EIF4G3: variants seen among roughly 807,000 people sequenced by gnomAD.
EIF4G3 encodes eIF-4-gamma 3.
Under a neutral mutation model 186.4 loss-of-function variants are expected in EIF4G3, and 34 were observed. The observed-to-expected ratio is 0.18, with a 90% CI of 0.14 to 0.24. The LOEUF is 0.24. Ranked by LOEUF, EIF4G3 falls within the 10% of genes least tolerant of loss-of-function variation. EIF4G3 has a pLI of 1.00. For synonymous variants in EIF4G3, 673 were observed against 679.5 expected, an observed-to-expected ratio of 0.99 and a Z score of 0.15; for missense variants, 1,536 against 1,948.5, an observed-to-expected ratio of 0.79 and a Z score of 3.99.
chr1:21,007,236 A>G (rs1332658637), intron 4 of EIF4G3, among the ~76,000 whole-genome samples: 1 of 151,998 alleles, frequency 6.6e-6, no homozygotes, highest in African/African-American at 2.4e-5. Flanking sequence ...CGTCTCTACT[A>G]AAAATACAAA....
At chr1:20,913,721 A>T (rs2093527503) in intron 14 of EIF4G3, among the ~76,000 whole-genome samples, 2 of 141,234 alleles carry the variant, frequency 1.4e-5, no homozygotes, top group East Asian at 2.0e-4. Context: ...TATCTGTATT[A>T]TTTCCTTTCT....
intron 14 of EIF4G3, among the ~76,000 whole-genome samples, chr1:20,910,896 C>T (rs1452892391): frequency 2.0e-5 from 3 of 152,146 alleles, no homozygotes; most frequent in African/African-American, 7.2e-5. Flanking sequence ...AAAAGTTTAA[C>T]GCTAATATGC....
chr1:20,860,921 G>A (rs1340806645), intron 23 of EIF4G3, among the ~76,000 whole-genome samples: 1 of 152,200 alleles, frequency 6.6e-6, no homozygotes, highest in Non-Finnish European at 1.5e-5. Context: ...GCCTTAATCT[G>A]TGGGATTACT....
chr1:20,953,595 C>G (rs2096298486), intron 12 of EIF4G3, among the ~76,000 whole-genome samples: 1 of 152,162 alleles, frequency 6.6e-6, no homozygotes, highest in African/African-American at 2.4e-5. Context: ...CTTCTTTGCA[C>G]AATTCAAAAT....
intron 27 of EIF4G3, 32 bp from the exon 28 acceptor site, chr1:20,851,510 A>G: frequency 6.2e-7 from 1 of 1,604,994 alleles, no homozygotes. Flanking sequence ...TTTCAAAGGA[A>G]AGACAAGCCC....
chr1:20,812,483 A>G (rs944922585), intron 35 of EIF4G3, among the ~76,000 whole-genome samples: 2 of 152,256 alleles, frequency 1.3e-5, no homozygotes, highest in Non-Finnish European at 2.9e-5. Flanking sequence ...GCCATCTTCA[A>G]AATAGAGACA....
intron 29 of EIF4G3, among the ~76,000 whole-genome samples, chr1:20,844,796 C>T (rs1426411813): frequency 6.6e-6 from 1 of 152,050 alleles, no homozygotes; most frequent in Non-Finnish European, 1.5e-5. Flanking sequence ...TGCGCCACTG[C>T]ACTCCAGCCT....
rs2059121324 is a variant in EIF4G3, at chr1:20,810,966, T to C, written c.4598-82A>G. The C allele has an allele frequency of 2.8e-6, 4 of 1,404,200 alleles. No homozygotes were observed. The highest frequency in any genetic ancestry group is 1.5e-5 in the African/African-American group (1 of 68,942). 87.0% of individuals were successfully genotyped at this position (1,404,200 alleles called of 1,614,324 possible). ...TTAATTTTCTTTCTTTTTTCTTTTT[T>C]TGAGACAGAGCCTCACTCTATTGCC... On this transcript the variant is annotated intron_variant, in intron 35 of 36. Transcript: ENST00000602326. This position sits in a 1 kb window ranked among gnomAD's most constrained non-coding sequence, Gnocchi z 4.1.
chr1:20,959,655 CAATAATAAT>C (rs61144464), intron 12 of EIF4G3, among the ~76,000 whole-genome samples: 5,185 of 142,454 alleles, frequency 0.036, 156 homozygotes, highest in East Asian at 0.12. Context: ...AACAAATCAG[CAATAATAAT>C]AATAATAATA....
chr1:20,828,225 T>C (rs2154547507), intron 31 of EIF4G3, among the ~76,000 whole-genome samples: 1 of 151,784 alleles, frequency 6.6e-6, no homozygotes, highest in Non-Finnish European at 1.5e-5. Context: ...AGAGACAGGG[T>C]TTCACCATGT....
Position 20,841,038 on chromosome 1 carries a change from C to T in EIF4G3, c.3889-10G>A, listed in dbSNP as rs777994362. The T allele has an allele frequency of 1.2e-6, 2 of 1,613,054 alleles. No homozygotes were observed. The highest frequency in any genetic ancestry group is 8.5e-7 in the Non-Finnish European group (1 of 1,179,506). On this transcript the variant is annotated splice_polypyrimidine_tract_variant and intron_variant, in intron 29 of 36. Coordinates refer to ENST00000602326, the MANE Select transcript of EIF4G3 (RefSeq NM_001391906.1). ...CACACTGCATGGCTTCCTGTTCCAA[C>T]AGCAAAGAAAGGTTTACTCCAAAAT...
chr1:20,868,239 TG>T (rs2078132732), intron 20 of EIF4G3, among the ~76,000 whole-genome samples: 1 of 151,930 alleles, frequency 6.6e-6, no homozygotes, highest in Admixed American at 6.6e-5. Flanking sequence ...TTAATCTGCT[TG>T]GGCTGCTATA....
At chr1:20,890,937 C>A (rs1309864294) in intron 18 of EIF4G3, among the ~76,000 whole-genome samples, 1 of 152,162 alleles carries the variant, frequency 6.6e-6, no homozygotes, top group Non-Finnish European at 1.5e-5. Context: ...ATCAAAATTT[C>A]TCTTAAAAAC....
chr1:21,029,488 G>A (rs1205497210), intron 4 of EIF4G3, among the ~76,000 whole-genome samples: 1 of 152,002 alleles, frequency 6.6e-6, no homozygotes. Flanking sequence ...GGAACTAGTG[G>A]GCCAGGTGCA....
intron 4 of EIF4G3, among the ~76,000 whole-genome samples, chr1:21,021,845 C>G (rs1355892720): frequency 1.3e-5 from 2 of 152,102 alleles, no homozygotes; most frequent in African/African-American, 4.8e-5. Context: ...CATGAACCAC[C>G]GTGCCCGGCT....
chr1:20,950,015 C>T lies in EIF4G3; in HGVS notation c.811G>A (p.Asp271Asn), dbSNP rs780733807. 16 of 1,613,162 alleles carry T rather than the reference C, an allele frequency of 9.9e-6. 1 individual carries two copies. Among genetic ancestry groups the T allele is most frequent in the East Asian group, 2.2e-5 (1 of 44,830 alleles). The change falls in exon 13 of 37, where the codon GAC becomes AAC. Residue 271 changes from aspartate (D) to asparagine (N), a missense_variant. Physicochemically the swap from Asp to Asn is conservative, Grantham distance 23. Transcript: ENST00000602326. ...AASTPVTAAS[D>N]QKQEEKPKPD... is the part of the protein sequence containing the mutation. Reference sequence around the variant, plus strand: ...GTCATACACAAACCTTGCTTCTGGTCGCTAGCTGCAGTGACAGGGGTGCTG... The same window carrying T: ...GTCATACACAAACCTTGCTTCTGGTTGCTAGCTGCAGTGACAGGGGTGCTG...
intron 2 of EIF4G3, among the ~76,000 whole-genome samples, chr1:21,141,099 C>T (rs192579872): frequency 3.7e-4 from 56 of 152,004 alleles, no homozygotes; most frequent in African/African-American, 1.2e-3. Context: ...TTAATGTTAA[C>T]CCTCAAAAAA....
At chr1:20,927,664 G>C (rs950592601) in intron 14 of EIF4G3, among the ~76,000 whole-genome samples, 2 of 152,148 alleles carry the variant, frequency 1.3e-5, no homozygotes, top group Non-Finnish European at 2.9e-5. Context: ...GTTGAAGGAA[G>C]AGTTACAGAG....
intron 31 of EIF4G3, among the ~76,000 whole-genome samples, chr1:20,828,944 G>T (rs2064364137): frequency 6.6e-6 from 1 of 152,100 alleles, no homozygotes; most frequent in Admixed American, 6.6e-5. Flanking sequence ...AGACCACAGG[G>T]CTATCATATC....
Sources: gnomAD v4.1 joint callset for allele counts (sites outside exome capture counted in the v4.1 genomes callset) on GRCh38, gnomAD v4.1.1 for gene constraint, Gnocchi (gnomAD v3.1) non-coding constraint, MANE v1.5 for transcripts, NCBI Gene and HGNC (gene_info 2026-07-23, HGNC 2026-07-21) for gene names.